The following HPRT1 variants were observed in gnomAD, a reference collection of about 807,000 sequenced individuals.
HPRT1 encodes hypoxanthine phosphoribosyltransferase 1, also known as hypoxanthine-guanine phosphoribosyltransferase.
Under a neutral mutation model 19.0 loss-of-function variants are expected in HPRT1, and 4 were observed. The observed-to-expected ratio is 0.21, with a 90% CI of 0.10 to 0.48. HPRT1 has a LOEUF of 0.48. Ranked by LOEUF, HPRT1 falls within the 20% of genes least tolerant of loss-of-function variation. The probability of loss-of-function intolerance (pLI) is 0.98; values close to 1 mark genes in which losing one functional copy is unlikely to be tolerated. For synonymous variants in HPRT1, 53 were observed against 54.9 expected, an observed-to-expected ratio of 0.97 and a Z score of 0.15; for missense variants, 65 against 164.0, an observed-to-expected ratio of 0.40 and a Z score of 3.30.
At chrX:134,489,294 A>G (rs1329336016) in intron 4 of HPRT1, among the ~76,000 whole-genome samples, 1 of 112,128 alleles carries the variant, frequency 8.9e-6, no homozygotes, top group East Asian at 2.8e-4. Context: ...TACAAAATAC[A>G]TACAAAAATA....
chrX:134,487,674 T>G (rs2077657162), intron 4 of HPRT1, among the ~76,000 whole-genome samples: 1 of 112,257 alleles, frequency 8.9e-6, no homozygotes, highest in African/African-American at 3.2e-5. Flanking sequence ...ATAAGAAAAC[T>G]TTAACATGTA....
Position 134,473,431 on chromosome X carries a change from A to C in HPRT1, c.100A>C (p.Arg34=). ...TAATCATTATGCTGAGGATTTGGAAAGGGTGTTTATTCCTCATGGACTAAT... is the reference window on the plus strand; with the variant it reads ...TAATCATTATGCTGAGGATTTGGAACGGGTGTTTATTCCTCATGGACTAAT... The part of the protein sequence containing the change: ...IPNHYAEDLE[R]VFIPHGLIMD... The change falls in exon 2 of 9, where the codon AGG becomes CGG. Residue 34 remains arginine, a synonymous_variant. Transcript: ENST00000298556. The C allele has an allele frequency of 8.5e-7, 1 of 1,180,718 alleles. No individual in the cohort carries two copies. Among genetic ancestry groups the C allele is most frequent in the South Asian group, 1.8e-5 (1 of 56,292 alleles).
At chrX:134,464,386 G>A (rs758281577) in intron 1 of HPRT1, among the ~76,000 whole-genome samples, 7 of 110,888 alleles carry the variant, frequency 6.3e-5, no homozygotes, top group South Asian at 3.8e-4. Flanking sequence ...AGGAGATGGC[G>A]GATCATCTGC....
chrX:134,500,207 CT>C lies in HPRT1; in HGVS notation c.*131del, dbSNP rs2077691997. ...TGCATGTATCTTCTAAGAATTTTAT[CT>C]GTTTTGTACTTTAGAAATGTCAGTT... On this transcript the variant is annotated 3_prime_UTR_variant, in exon 9 of 9. Transcript: ENST00000298556. The C allele has an allele frequency of 1.9e-6, 1 of 529,178 alleles. No individual in the cohort carries two copies. The highest frequency in any genetic ancestry group is 2.3e-5 in the African/African-American group (1 of 43,677). The allele number at this position is 529,178 out of a possible 1,213,427, so 43.6% of individuals were successfully genotyped here. A position where few individuals can be genotyped will look rare whatever the true frequency, so the allele number is the denominator to read the frequency against.
chrX:134,470,445 G>T (rs1433740089), intron 1 of HPRT1, among the ~76,000 whole-genome samples: 2 of 111,888 alleles, frequency 1.8e-5, no homozygotes, highest in Non-Finnish European at 3.8e-5. Flanking sequence ...TCTTAAATAT[G>T]TATTTTTAAA....
chrX:134,475,095 G>T, intron 2 of HPRT1, 86 bp from the exon 3 acceptor site: 1 of 741,120 alleles, frequency 1.3e-6, no homozygotes, highest in Non-Finnish European at 2.1e-6. Context: ...GCCCAGGTTG[G>T]TGTGGAAGTT....
chrX:134,462,518 A>G (rs1189934513), intron 1 of HPRT1, among the ~76,000 whole-genome samples: 2 of 110,800 alleles, frequency 1.8e-5, no homozygotes, highest in Non-Finnish European at 3.8e-5. Context: ...GTGTTTTGCC[A>G]TGTTGTCCAG....
chrX:134,486,676 C>T (rs1402276848), intron 4 of HPRT1, 146 bp downstream of exon 4: 1 of 484,632 alleles, frequency 2.1e-6, no homozygotes, highest in Non-Finnish European at 3.8e-6. Context: ...GGTTAATTAT[C>T]GTTCCCTAGG....
rs779398999 is a variant in HPRT1 at position 134,474,963 on chromosome X, C to T, written c.135-218C>T. On this transcript the variant is annotated intron_variant, in intron 2 of 8. Coordinates refer to ENST00000298556, the MANE Select transcript of HPRT1 (RefSeq NM_000194.3). ...GTGGCACAATCACAGTTCACTCCAG[C>T]CTCAACATCCTGCACTAAAGTGATT... Among the ~76,000 whole-genome samples the T allele has an allele frequency of 3.6e-5, 4 of 110,696 alleles. No homozygotes were observed. The South Asian group carries it at 1.5e-3, about 43-fold the overall frequency.
intron 2 of HPRT1, among the ~76,000 whole-genome samples, chrX:134,474,750 TG>T (rs1480500859): frequency 9.0e-6 from 1 of 111,678 alleles, no homozygotes; most frequent in African/African-American, 3.3e-5. Context: ...TAGGTGAAAA[TG>T]GTATCTTGTT....
chrX:134,478,524 C>T (rs1385258269), intron 3 of HPRT1, among the ~76,000 whole-genome samples: 1 of 110,946 alleles, frequency 9.0e-6, no homozygotes, highest in Non-Finnish European at 1.9e-5. Flanking sequence ...GAGGCAGGAG[C>T]ATCCCTTGAG....
chrX:134,480,469 A>G (rs1444772461), intron 3 of HPRT1, among the ~76,000 whole-genome samples: 1 of 105,541 alleles, frequency 9.5e-6, no homozygotes, highest in Admixed American at 1.0e-4. Context: ...TTTTTTTGAG[A>G]CAAGGTCTTG....
intron 3 of HPRT1, among the ~76,000 whole-genome samples, chrX:134,482,206 A>T (rs2077642299): frequency 9.0e-6 from 1 of 110,797 alleles, no homozygotes; most frequent in African/African-American, 3.3e-5. Context: ...GGCACATGCC[A>T]CCACGCCCAG....
chrX:134,471,432 G>C (rs1384719347), intron 1 of HPRT1, among the ~76,000 whole-genome samples: 1 of 111,227 alleles, frequency 9.0e-6, no homozygotes, highest in Admixed American at 9.7e-5. Flanking sequence ...GACATACCAA[G>C]ACAACCAATA....
intron 1 of HPRT1, among the ~76,000 whole-genome samples, chrX:134,468,627 T>C (rs200804953): frequency 1.8e-5 from 2 of 108,758 alleles, no homozygotes; most frequent in African/African-American, 6.7e-5. Flanking sequence ...TGGTGGCGCA[T>C]GTCTGTAATC....
At chrX:134,472,758 C>T (rs763232026) in intron 1 of HPRT1, among the ~76,000 whole-genome samples, 8 of 109,095 alleles carry the variant, frequency 7.3e-5, no homozygotes, top group South Asian at 3.9e-4. Context: ...GTAGAGACGG[C>T]GGGGGGAGGT....
intron 3 of HPRT1, among the ~76,000 whole-genome samples, chrX:134,485,275 T>C (rs2077649931): frequency 8.9e-6 from 1 of 111,800 alleles, no homozygotes; most frequent in African/African-American, 3.3e-5. Context: ...CTATAAATTG[T>C]CTATTTGTGT....
At chrX:134,486,804 GA>G in intron 4 of HPRT1, 1 of 216,190 alleles carries the variant, frequency 4.6e-6, no homozygotes, top group Admixed American at 6.5e-5. Flanking sequence ...ATTGATGGGG[GA>G]AAAGATAGCC....
intron 1 of HPRT1, among the ~76,000 whole-genome samples, chrX:134,471,356 CAT>C (rs2077610045): frequency 9.0e-6 from 1 of 111,220 alleles, no homozygotes; most frequent in Non-Finnish European, 1.9e-5. Context: ...AAGCTGTACT[CAT>C]AGTACATTTT....
Sources: allele counts gnomAD v4.1 joint callset (sites outside exome capture counted in the v4.1 genomes callset), GRCh38; gene constraint gnomAD v4.1.1; transcripts MANE v1.5; gene names NCBI Gene and HGNC (gene_info 2026-07-23, HGNC 2026-07-21).